Variants in NQO1 observed in about 807,000 individuals in gnomAD.
NQO1 encodes the protein NAD(P)H quinone dehydrogenase 1.
Under a neutral mutation model 32.1 loss-of-function variants are expected in NQO1, and 30 were observed. The observed-to-expected ratio is 0.94, with a 90% CI of 0.70 to 1.27. The LOEUF is 1.27. Ranked by LOEUF, NQO1 falls within the 50% of genes most tolerant of loss-of-function variation. The pLI is 0.00. For missense variants in NQO1, 276 were observed against 331.3 expected (o/e 0.83, Z 1.30); for synonymous variants, 109 against 119.7 (o/e 0.91, Z 0.59).
At chr16:69,716,184 A>G (rs1179610237) in intron 3 of NQO1, among the ~76,000 whole-genome samples, 1 of 119,634 alleles carries the variant, frequency 8.4e-6, no homozygotes, top group Non-Finnish European at 1.7e-5. Flanking sequence ...AATAATAATA[A>G]TAATAATAAT....
intron 1 of NQO1, among the ~76,000 whole-genome samples, chr16:69,725,622 C>G (rs1245132984): frequency 6.6e-6 from 1 of 152,196 alleles, no homozygotes; most frequent in African/African-American, 2.4e-5. Flanking sequence ...CGTCAGTAAT[C>G]TCAGCACTTG....
Position 69,709,963 on chromosome 16 carries a change from A to G in NQO1, c.*1013T>C. On this transcript the variant is annotated 3_prime_UTR_variant, in exon 6 of 6. Coordinates refer to ENST00000320623, the MANE Select transcript of NQO1 (RefSeq NM_000903.3). ...AAGACTATTTTTAAGTATTGAAGGTACTATTTCCTTTCTTGAATTCATATT... is the reference window on the plus strand; with the variant it reads ...AAGACTATTTTTAAGTATTGAAGGTGCTATTTCCTTTCTTGAATTCATATT... The G allele has an allele frequency of 2.5e-6, 1 of 395,390 alleles. No individual in the cohort carries two copies. 24.5% of individuals were successfully genotyped at this position (395,390 alleles called of 1,614,324 possible).
intron 1 of NQO1, among the ~76,000 whole-genome samples, chr16:69,721,812 G>A (rs906236320): frequency 1.7e-4 from 24 of 140,552 alleles, no homozygotes; most frequent in African/African-American, 5.9e-4. Flanking sequence ...TGGCTAACAT[G>A]GAGAAACCCC....
At chr16:69,715,627 G>A (rs1293835233) in intron 3 of NQO1, among the ~76,000 whole-genome samples, 1 of 151,968 alleles carries the variant, frequency 6.6e-6, no homozygotes, top group African/African-American at 2.4e-5. Context: ...AATCAACCGG[G>A]CGTGGTGGCG....
chr16:69,715,710 G>C (rs1239156774), intron 3 of NQO1, among the ~76,000 whole-genome samples: 1 of 152,248 alleles, frequency 6.6e-6, no homozygotes, highest in Non-Finnish European at 1.5e-5. Flanking sequence ...GGAGGTTACA[G>C]TGAGCCGAGA....
At chr16:69,721,374 C>G (rs1332206185) in intron 1 of NQO1, among the ~76,000 whole-genome samples, 1 of 152,164 alleles carries the variant, frequency 6.6e-6, no homozygotes, top group African/African-American at 2.4e-5. Flanking sequence ...CAGCACGGGG[C>G]TCACCTGCCC....
rs1213864164 is a variant in NQO1, at chr16:69,718,197, TA to T, written c.228del (p.Tyr76Ter). On this transcript the variant is annotated frameshift_variant, in exon 3 of 6. Transcript: ENST00000320623. LOFTEE classifies it high-confidence loss of function. ...ATATCTGGGCTCAGATGGCCTTCTT[TA>T]TAAGCCAGAACAGACTCGGCAGGAT... ...FQYPAESVLA[Y>X]KEGHLSPDIV... is the part of the protein sequence containing the mutation. 19 of 1,614,136 alleles carry T rather than the reference TA, an allele frequency of 1.2e-5. No homozygotes were observed. The highest frequency in any genetic ancestry group is 1.6e-5 in the Non-Finnish European group (19 of 1,180,006).
chr16:69,719,655 C>A (rs192610395), intron 1 of NQO1, among the ~76,000 whole-genome samples: 2 of 152,196 alleles, frequency 1.3e-5, no homozygotes, highest in African/African-American at 4.8e-5. Context: ...CACCTGTAAT[C>A]CCAGCTATTC....
intron 1 of NQO1, among the ~76,000 whole-genome samples, chr16:69,719,501 CACGGTGGT>C (rs2038161724): frequency 6.6e-6 from 1 of 152,130 alleles, no homozygotes; most frequent in African/African-American, 2.4e-5. Context: ...GTTGGCCAGG[CACGGTGGT>C]TCGAGCCTGT....
Position 69,709,913 on chromosome 16 carries a change from A to G in NQO1, c.*1063T>C, listed in dbSNP as rs2038015659. The G allele has an allele frequency of 2.5e-6, 1 of 398,332 alleles. No individual in the cohort carries two copies. The highest frequency in any genetic ancestry group is 3.6e-5 in the East Asian group (1 of 28,050). The allele number at this position is 398,332 out of a possible 1,614,324, so 24.7% of individuals were successfully genotyped here. ...AATAACCTTCTGAAAATTTGTATAG[A>G]TCAGAAATAAAGTATTTTTTGTGGA... On this transcript the variant is annotated 3_prime_UTR_variant, in exon 6 of 6. Coordinates refer to ENST00000320623, the MANE Select transcript of NQO1 (RefSeq NM_000903.3).
intron 1 of NQO1, among the ~76,000 whole-genome samples, chr16:69,720,753 A>AT (rs2038178550): frequency 6.6e-6 from 1 of 152,226 alleles, no homozygotes; most frequent in South Asian, 2.1e-4. Context: ...AAAGAGGTAC[A>AT]GGTAGAAGGG....
intron 1 of NQO1, among the ~76,000 whole-genome samples, chr16:69,724,669 C>T (rs1048239271): frequency 6.7e-6 from 1 of 150,116 alleles, no homozygotes; most frequent in Non-Finnish European, 1.5e-5. Context: ...CCACTGCACT[C>T]CAGCCTGGGC....
chr16:69,712,969 G>C (rs1352104715), intron 5 of NQO1, 59 bp downstream of exon 5: 3 of 1,399,946 alleles, frequency 2.1e-6, no homozygotes, highest in Non-Finnish European at 2.0e-6. Context: ...CTCCAGCCTA[G>C]ATGACAGAGT....
chr16:69,716,631 C>G (rs2151744591), intron 3 of NQO1, among the ~76,000 whole-genome samples: 1 of 152,176 alleles, frequency 6.6e-6, no homozygotes, highest in East Asian at 1.9e-4. Flanking sequence ...AGAGTAAGGA[C>G]TATACCAGGA....
intron 1 of NQO1, among the ~76,000 whole-genome samples, chr16:69,724,418 C>T (rs2038233401): frequency 1.3e-5 from 2 of 152,062 alleles, no homozygotes; most frequent in Admixed American, 6.6e-5. Context: ...TCTTGAACTC[C>T]TGGCCTCAAG....
chr16:69,719,596 A>G (rs934284120), intron 1 of NQO1, among the ~76,000 whole-genome samples: 1 of 151,612 alleles, frequency 6.6e-6, no homozygotes, highest in African/African-American at 2.4e-5. Context: ...CAACATGGTG[A>G]AACCCTGTCT....
chr16:69,711,228 A>G lies in NQO1; in HGVS notation c.573T>C (p.Tyr191=), dbSNP rs755967736. The G allele has an allele frequency of 1.5e-5, 24 of 1,613,474 alleles. No homozygotes were observed. The highest frequency in any genetic ancestry group is 6.7e-5 in the African/African-American group (5 of 74,908). Residue 191 remains tyrosine, a synonymous_variant, in exon 6 of 6, where the codon TAT becomes TAC. Transcript: ENST00000320623. ...GFQVLEPQLT[Y]SIGHTPADAR... ...CGTCTGCTGGAGTGTGCCCAATGCT[A>G]TATGTCAGTTGAGGTTCTAAGACTT... is the stretch of plus-strand genomic sequence containing the variant.
At chr16:69,726,254 C>G (rs2038260171) in intron 1 of NQO1, among the ~76,000 whole-genome samples, 179 bp downstream of exon 1, 3 of 152,158 alleles carry the variant, frequency 2.0e-5, no homozygotes, top group South Asian at 4.1e-4. Flanking sequence ...ACACCGGATA[C>G]AAACAGAAGC....
chr16:69,725,437 C>A (rs1339828957), intron 1 of NQO1, among the ~76,000 whole-genome samples: 2 of 152,172 alleles, frequency 1.3e-5, no homozygotes, highest in Non-Finnish European at 2.9e-5. Flanking sequence ...GTTATTTATG[C>A]CTTGGGTGGA....
Sources: gnomAD v4.1 joint callset for allele counts (sites outside exome capture counted in the v4.1 genomes callset) on GRCh38, gnomAD v4.1.1 for gene constraint, MANE v1.5 for transcripts, NCBI Gene and HGNC (gene_info 2026-07-23, HGNC 2026-07-21) for gene names.